EYS: variants seen among roughly 807,000 people sequenced by gnomAD.
EYS encodes the protein EGF-like photoreceptor maintenance factor.
In EYS, 250 loss-of-function variants were observed where a neutral mutation model predicts 282.1. That is an observed-to-expected ratio of 0.89 (90% CI 0.80 to 0.98). The LOEUF (loss-of-function observed/expected upper bound fraction) is 0.98. EYS is among the 50% of genes least tolerant of loss of function. The pLI is 0.00. For synonymous variants in EYS, 1,355 were observed against 1,282.9 expected (o/e 1.06, Z -1.20); for missense variants, 4,016 against 3,709.0 (o/e 1.08, Z -2.15).
chr6:64,365,987 A>G (rs1480034618), intron 29 of EYS, among the ~76,000 whole-genome samples: 3 of 152,152 alleles, frequency 2.0e-5, no homozygotes, highest in East Asian at 3.9e-4. Context: ...TAGTATAAAT[A>G]GCATGATGGA....
At chr6:65,358,774 CTCA>C (rs199634307) in intron 8 of EYS, among the ~76,000 whole-genome samples, 2,078 of 151,916 alleles carry the variant, frequency 0.014, 38 homozygotes, top group African/African-American at 0.047. Flanking sequence ...AAATGTATAG[CTCA>C]TATTTCTATA....
At chr6:65,329,999 G>T in intron 11 of EYS, 1 of 983,230 alleles carries the variant, frequency 1.0e-6, no homozygotes, top group Non-Finnish European at 1.2e-6. Flanking sequence ...AGCCTGTAAA[G>T]GAAACAGGTT....
intron 28 of EYS, among the ~76,000 whole-genome samples, chr6:64,410,962 C>G (rs1332195940): frequency 2.0e-5 from 3 of 151,988 alleles, no homozygotes; most frequent in Non-Finnish European, 4.4e-5. Flanking sequence ...TTATTTTAAT[C>G]TTGGTTTTAA....
intron 8 of EYS, among the ~76,000 whole-genome samples, chr6:65,373,875 G>A (rs1765255049): frequency 6.6e-6 from 1 of 151,742 alleles, no homozygotes; most frequent in Admixed American, 6.6e-5. Flanking sequence ...AAAATTTCAG[G>A]CACATACTGC....
chr6:64,592,527 T>G (rs1766445313), intron 25 of EYS, among the ~76,000 whole-genome samples: 1 of 152,154 alleles, frequency 6.6e-6, no homozygotes, highest in Non-Finnish European at 1.5e-5. Flanking sequence ...CTTCAAGAAT[T>G]CCTTGCTAAG....
intron 14 of EYS, among the ~76,000 whole-genome samples, chr6:64,957,817 G>C (rs187357886): frequency 9.3e-4 from 142 of 152,126 alleles, no homozygotes; most frequent in African/African-American, 3.2e-3. Flanking sequence ...AATCGTCTAG[G>C]CTTTTTCACA....
At chr6:64,394,727 A>G (rs1398929928) in intron 28 of EYS, among the ~76,000 whole-genome samples, 1 of 152,086 alleles carries the variant, frequency 6.6e-6, no homozygotes, top group Non-Finnish European at 1.5e-5. Flanking sequence ...ATGGGCAAGG[A>G]CTTCATGTCT....
intron 22 of EYS, among the ~76,000 whole-genome samples, chr6:64,665,581 A>C (rs1583016715): frequency 6.6e-6 from 1 of 152,328 alleles, no homozygotes; most frequent in East Asian, 1.9e-4. Flanking sequence ...TAAATGTCTT[A>C]AGTTAATAGG....
rs536788112 is a variant in EYS at position 63,720,683 on chromosome 6, TACA to T, written c.9345_9347del (p.Val3116del). ...CAATGTTTTTTGGTTCCTGAAAAAATACAACATCTTTAATTTTGCCAACAAAAT... is the reference window on the plus strand; with the variant it reads ...CAATGTTTTTTGGTTCCTGAAAAAATACATCTTTAATTTTGCCAACAAAAT... On this transcript the variant is annotated inframe_deletion, in exon 43 of 43. Coordinates refer to ENST00000503581, the MANE Select transcript of EYS (RefSeq NM_001142800.2). The T allele has an allele frequency of 6.0e-4, 923 of 1,547,232 alleles. 2 individuals are homozygous for T. In the African/African-American group the frequency reaches 0.011, roughly 19 times the overall value.
chr6:65,225,220 C>CA (rs1389334858), intron 12 of EYS, among the ~76,000 whole-genome samples: 1 of 150,222 alleles, frequency 6.7e-6, no homozygotes, highest in African/African-American at 2.4e-5. Flanking sequence ...TAATAATCAA[C>CA]AAAACTAAGT....
chr6:64,031,810 C>T lies in EYS; in HGVS notation c.6726-32627G>A, dbSNP rs530348573. On this transcript the variant is annotated intron_variant, in intron 33 of 42. Transcript: ENST00000503581. ...CTGTGTCTAGCTCAGGGATTGTAAA[C>T]GCACCAATCAGCACCCTGTCAAAAC... 1.7e-4 allele frequency among the ~76,000 whole-genome samples: 26 copies of T among 152,108 alleles called. No homozygotes were observed. In the East Asian group the frequency reaches 2.3e-3, roughly 14 times the overall value.
intron 35 of EYS, among the ~76,000 whole-genome samples, chr6:63,912,126 G>A (rs976735255): frequency 6.6e-6 from 1 of 152,186 alleles, no homozygotes; most frequent in African/African-American, 2.4e-5. Flanking sequence ...GAGAGGAAGG[G>A]AGAGAGGAAC....
chr6:64,525,626 G>C (rs1777892967), intron 26 of EYS, among the ~76,000 whole-genome samples: 1 of 151,566 alleles, frequency 6.6e-6, no homozygotes, highest in Non-Finnish European at 1.5e-5. Flanking sequence ...CCTGTGATAT[G>C]AGTTTACCTA....
At chr6:65,142,510 A>ACACACT (rs1308754515) in intron 12 of EYS, among the ~76,000 whole-genome samples, 1 of 151,536 alleles carries the variant, frequency 6.6e-6, no homozygotes, top group Non-Finnish European at 1.5e-5. Context: ...ACACACACAC[A>ACACACT]CACACACACA....
intron 31 of EYS, among the ~76,000 whole-genome samples, chr6:64,113,922 T>C (rs1183818828): frequency 6.6e-6 from 1 of 152,206 alleles, no homozygotes; most frequent in Non-Finnish European, 1.5e-5. Flanking sequence ...TAAAATTTTA[T>C]TGGAACTATG....
At chr6:65,627,828 C>G (rs928408641) in intron 2 of EYS, among the ~76,000 whole-genome samples, 2 of 152,222 alleles carry the variant, frequency 1.3e-5, no homozygotes, top group African/African-American at 4.8e-5. Context: ...GCCTCCCACC[C>G]ACTCCATGGG....
chr6:65,588,985 T>C (rs557039397), intron 2 of EYS, among the ~76,000 whole-genome samples: 1 of 152,046 alleles, frequency 6.6e-6, no homozygotes, highest in Non-Finnish European at 1.5e-5. Flanking sequence ...ATGAGGCTAT[T>C]ATATAATAGT....
At chr6:63,934,403 A>T (rs1156719457) in intron 35 of EYS, among the ~76,000 whole-genome samples, 1 of 152,052 alleles carries the variant, frequency 6.6e-6, no homozygotes, top group Non-Finnish European at 1.5e-5. Flanking sequence ...TACTGGGTAT[A>T]TACCCAAAGG....
intron 29 of EYS, among the ~76,000 whole-genome samples, chr6:64,314,194 CAAAAAAAAA>C (rs138447983): frequency 3.6e-5 from 1 of 27,676 alleles, no homozygotes; most frequent in Non-Finnish European, 6.0e-5. Flanking sequence ...AAATGGAAAG[CAAAAAAAAA>C]AAAAAAAAAA....
Sources: gnomAD v4.1 joint callset for allele counts (sites outside exome capture counted in the v4.1 genomes callset) on GRCh38, gnomAD v4.1.1 for gene constraint, MANE v1.5 for transcripts, NCBI Gene and HGNC (gene_info 2026-07-23, HGNC 2026-07-21) for gene names.